The following ZBBX variants were observed in gnomAD, a reference collection of about 807,000 sequenced individuals.
ZBBX encodes the protein zinc finger B-box domain containing.
In ZBBX, 101 loss-of-function variants were observed where a neutral mutation model predicts 108.5. The ratio of observed to expected loss-of-function variants is 0.93; its 90% CI spans 0.79 to 1.10. ZBBX has a LOEUF of 1.10. ZBBX is among the 50% of genes least tolerant of loss of function. ZBBX has a pLI of 0.00. For missense variants in ZBBX, 1,009 were observed against 941.4 expected (o/e 1.07, Z -0.94); for synonymous variants, 356 against 323.4 (o/e 1.10, Z -1.08).
intron 9 of ZBBX, among the ~76,000 whole-genome samples, chr3:167,348,372 A>AAGAAAGAAAGAAAGAAAG (rs1553833122): frequency 9.5e-6 from 1 of 104,726 alleles, no homozygotes; most frequent in African/African-American, 3.3e-5. Context: ...AAGAAAGAAA[A>AAGAAAGAAAGAAAGAAAG]AAAAGAAAAG....
intron 9 of ZBBX, among the ~76,000 whole-genome samples, chr3:167,335,538 T>C (rs185754449): frequency 6.6e-6 from 1 of 151,908 alleles, no homozygotes; most frequent in East Asian, 1.9e-4. Context: ...TCTTATTTCT[T>C]AGCAAATATC....
intron 20 of ZBBX, among the ~76,000 whole-genome samples, chr3:167,273,828 T>A (rs575143848): frequency 6.6e-6 from 1 of 152,188 alleles, no homozygotes; most frequent in East Asian, 1.9e-4. Flanking sequence ...TTAGATGCAA[T>A]TGGAGTCCCA....
At chr3:167,189,657 A>G in the ZBBX span, among the ~76,000 whole-genome samples, 1 of 152,220 alleles carries the variant, frequency 6.6e-6, no homozygotes, top group Non-Finnish European at 1.5e-5. Context: ...GAACAGATTT[A>G]TGTTCACAGC....
chr3:167,296,328 A>T (rs1244652844), intron 18 of ZBBX, among the ~76,000 whole-genome samples: 1 of 152,082 alleles, frequency 6.6e-6, no homozygotes, highest in Non-Finnish European at 1.5e-5. Flanking sequence ...CATTTCTAAG[A>T]TCTAGAGCAA....
chr3:167,281,566 A>G (rs1728818390), intron 20 of ZBBX, among the ~76,000 whole-genome samples: 1 of 152,198 alleles, frequency 6.6e-6, no homozygotes, highest in African/African-American at 2.4e-5. Flanking sequence ...GTGCCTTTAT[A>G]ATGCAAATAA....
rs369270177 is a variant in ZBBX at position 167,315,439 on chromosome 3, T to G, written c.1274+311A>C. Among the ~76,000 whole-genome samples, 4 of 152,166 alleles carry G rather than the reference T, an allele frequency of 2.6e-5. No homozygotes were observed. The East Asian group carries it at 7.7e-4, about 29-fold the overall frequency. ...TTTAGAGAGAAGAAGAAAGCTCATA[T>G]GAAACATATCAAAGTTGATCAACCA... is the stretch of plus-strand genomic sequence containing the variant. On this transcript the variant is annotated intron_variant, in intron 15 of 21. Transcript: ENST00000675490.
chr3:167,180,997 T>C, the ZBBX span, among the ~76,000 whole-genome samples: 12 of 152,298 alleles, frequency 7.9e-5, no homozygotes, highest in Middle Eastern at 6.8e-3. Flanking sequence ...CTTTTTCTAA[T>C]TGTTCAGTAA....
intron 1 of ZBBX, among the ~76,000 whole-genome samples, chr3:167,388,219 A>G (rs1747978524): frequency 1.3e-5 from 2 of 151,846 alleles, no homozygotes; most frequent in African/African-American, 4.8e-5. Context: ...GAATGTTTCT[A>G]GAAGAGGAAC....
At chr3:167,351,906 CT>C (rs912742450) in intron 8 of ZBBX, among the ~76,000 whole-genome samples, 1 of 152,106 alleles carries the variant, frequency 6.6e-6, no homozygotes, top group African/African-American at 2.4e-5. Context: ...GTCTGCTGGC[CT>C]TTCCATTAGA....
At chr3:167,227,709 CT>C in the ZBBX span, among the ~76,000 whole-genome samples, 1 of 151,732 alleles carries the variant, frequency 6.6e-6, no homozygotes, top group Non-Finnish European at 1.5e-5. Context: ...TCAGGGACCA[CT>C]TTTCCCAATA....
intron 11 of ZBBX, among the ~76,000 whole-genome samples, chr3:167,324,781 T>C (rs1007292622): frequency 3.3e-5 from 5 of 152,144 alleles, no homozygotes; most frequent in Non-Finnish European, 7.3e-5. Context: ...CTTCAGCCTA[T>C]AGAGGAAGGC....
chr3:167,394,003 G>A (rs961019689), intron 1 of ZBBX, among the ~76,000 whole-genome samples: 1 of 151,864 alleles, frequency 6.6e-6, no homozygotes, highest in African/African-American at 2.4e-5. Context: ...TATTTTAAAA[G>A]TAGAATATAT....
intron 6 of ZBBX, among the ~76,000 whole-genome samples, chr3:167,361,538 T>C (rs1477541091): frequency 6.6e-6 from 1 of 152,146 alleles, no homozygotes; most frequent in Non-Finnish European, 1.5e-5. Flanking sequence ...ACTGCCTCTA[T>C]ATCTATGGCT....
At chr3:167,244,306 A>G (rs1055836445) in intron 20 of ZBBX, among the ~76,000 whole-genome samples, 8 of 152,194 alleles carry the variant, frequency 5.3e-5, no homozygotes, top group African/African-American at 1.9e-4. Flanking sequence ...GCACCTTTAC[A>G]TGTCCTAATG....
chr3:167,261,482 C>A (rs1327423081), intron 20 of ZBBX, among the ~76,000 whole-genome samples: 4 of 151,946 alleles, frequency 2.6e-5, no homozygotes, highest in Non-Finnish European at 4.4e-5. Context: ...TGAGCTCAGA[C>A]TGTCCTTGGG....
chr3:167,295,635 C>A (rs572254317), intron 18 of ZBBX, among the ~76,000 whole-genome samples: 1 of 146,396 alleles, frequency 6.8e-6, no homozygotes, highest in Non-Finnish European at 1.5e-5. Context: ...ATGTAACAAA[C>A]CTGCATGTTC....
the ZBBX span, among the ~76,000 whole-genome samples, chr3:167,214,169 A>G: frequency 2.6e-5 from 4 of 152,154 alleles, no homozygotes; most frequent in African/African-American, 9.6e-5. Context: ...ATGACATATT[A>G]ACTTTGAATG....
intron 20 of ZBBX, among the ~76,000 whole-genome samples, chr3:167,271,931 A>G (rs1560051919): frequency 6.6e-6 from 1 of 152,256 alleles, no homozygotes; most frequent in Non-Finnish European, 1.5e-5. Context: ...GATTGGGACT[A>G]ACAGAGAACA....
intron 20 of ZBBX, among the ~76,000 whole-genome samples, chr3:167,266,236 T>A (rs905652274): frequency 1.3e-5 from 2 of 152,236 alleles, no homozygotes; most frequent in African/African-American, 4.8e-5. Flanking sequence ...AAATAATGGA[T>A]TAAACCATAT....
Sources: allele counts gnomAD v4.1 joint callset (sites outside exome capture counted in the v4.1 genomes callset), GRCh38; gene constraint gnomAD v4.1.1; transcripts MANE v1.5; gene names NCBI Gene and HGNC (gene_info 2026-07-23, HGNC 2026-07-21).